The following ACAD11 variants were observed in gnomAD, a reference collection of about 807,000 sequenced individuals.
ACAD11 encodes the protein acyl-CoA dehydrogenase family member 11.
In ACAD11, 83 loss-of-function variants were observed where a neutral mutation model predicts 102.2. The observed-to-expected ratio is 0.81, with a 90% CI of 0.68 to 0.97. ACAD11 has a LOEUF of 0.97. ACAD11 is among the 50% of genes least tolerant of loss of function. The probability of loss-of-function intolerance (pLI) is 0.00; values close to 1 mark genes in which losing one functional copy is unlikely to be tolerated. For synonymous variants in ACAD11, 324 were observed against 319.8 expected (o/e 1.01, Z -0.14); for missense variants, 901 against 951.7 (o/e 0.95, Z 0.70).
intron 5 of ACAD11, among the ~76,000 whole-genome samples, chr3:132,638,779 G>A (rs544399309): frequency 6.6e-6 from 1 of 151,950 alleles, no homozygotes; most frequent in South Asian, 2.1e-4. Flanking sequence ...CTAATCTCAG[G>A]GTAGATAATT....
chr3:132,649,196 C>T (rs907303990), intron 1 of ACAD11, among the ~76,000 whole-genome samples: 1 of 152,212 alleles, frequency 6.6e-6, no homozygotes, highest in Admixed American at 6.5e-5. Flanking sequence ...ACCTGACCGT[C>T]CCCCAGCCCG....
At chr3:132,590,249 TTTTTTG>T (rs1195126308) in intron 13 of ACAD11, among the ~76,000 whole-genome samples, 1 of 152,006 alleles carries the variant, frequency 6.6e-6, no homozygotes, top group Non-Finnish European at 1.5e-5. Context: ...TAGTTCTGGG[TTTTTTG>T]TTTTTGTTTT....
chr3:132,612,301 G>A (rs1355137009), intron 11 of ACAD11, among the ~76,000 whole-genome samples: 1 of 151,976 alleles, frequency 6.6e-6, no homozygotes, highest in Non-Finnish European at 1.5e-5. Context: ...ATACCATTCA[G>A]GACATAGGTA....
intron 17 of ACAD11, among the ~76,000 whole-genome samples, chr3:132,572,165 C>T (rs1438811044): frequency 6.6e-6 from 1 of 152,012 alleles, no homozygotes; most frequent in African/African-American, 2.4e-5. Flanking sequence ...ATCTAGAAAA[C>T]CCCAGTCTCA....
chr3:132,610,305 C>A (rs539726836), intron 11 of ACAD11, among the ~76,000 whole-genome samples: 1 of 152,122 alleles, frequency 6.6e-6, no homozygotes, highest in East Asian at 1.9e-4. Context: ...CCTAACATCA[C>A]AATTAAAAGA....
intron 11 of ACAD11, among the ~76,000 whole-genome samples, chr3:132,610,424 G>A (rs1939083621): frequency 6.6e-6 from 1 of 152,090 alleles, no homozygotes; most frequent in African/African-American, 2.4e-5. Context: ...AAAAACCAAC[G>A]AATCCAGGAG....
At position 132,603,277 on chromosome 3, in the gene ACAD11, G is replaced by A. The variant is rs569164901; in HGVS notation, c.1573C>T (p.Arg525Ter). ...TTAATTACATAGCTATCTTCATCTC[G>A]TTGGATGCTGCATTCAATATTCGTG... The part of the protein sequence containing the change: ...DATNIECSIQ[R>*]DEDSYVINGK... The change falls in exon 13 of 20, where the codon CGA becomes TGA. Residue 525 changes from arginine to a stop codon, truncating the protein, a stop_gained. Transcript: ENST00000264990. LOFTEE classifies it high-confidence loss of function. 1.3e-5 allele frequency: 21 copies of A among 1,613,980 alleles called. No individual in the cohort carries two copies. Among genetic ancestry groups the A allele is most frequent in the Middle Eastern group, 1.6e-4 (1 of 6,062 alleles).
chr3:132,599,628 C>A (rs1938480263), intron 13 of ACAD11, among the ~76,000 whole-genome samples: 1 of 150,292 alleles, frequency 6.7e-6, no homozygotes, highest in African/African-American at 2.5e-5. Context: ...AAGACAGATT[C>A]AAGACCTACT....
rs2107848072 is a variant in ACAD11 at position 132,619,482 on chromosome 3, T to A, written c.1261A>T (p.Ile421Phe). ...GATTTTCTTACCTTGAGTTTATCAA[T>A]CACTAAAGGTTTTCCCCACTTGTCC... ...SVDKWGKPLVIDKLKEMAKVE... is the reference protein window; with the variant it reads ...SVDKWGKPLVFDKLKEMAKVE... Residue 421 changes from isoleucine to phenylalanine, a missense_variant, in exon 10 of 20, where the codon ATT becomes TTT. Physicochemically the swap from Ile to Phe is conservative, Grantham distance 21. Transcript: ENST00000264990. 2 of 1,588,334 alleles carry A rather than the reference T, an allele frequency of 1.3e-6. No individual in the cohort carries two copies. Among genetic ancestry groups the A allele is most frequent in the South Asian group, 2.3e-5 (2 of 85,512 alleles).
intron 5 of ACAD11, among the ~76,000 whole-genome samples, chr3:132,631,967 T>C (rs771685282): frequency 5.3e-5 from 8 of 152,190 alleles, no homozygotes; most frequent in Non-Finnish European, 1.0e-4. Flanking sequence ...GTTTTATAAA[T>C]ATAAAATCCA....
At chr3:132,582,053 A>G (rs1937607124) in intron 13 of ACAD11, among the ~76,000 whole-genome samples, 1 of 152,028 alleles carries the variant, frequency 6.6e-6, no homozygotes, top group Non-Finnish European at 1.5e-5. Context: ...TTAAGAGTAT[A>G]CATATTCTTA....
At chr3:132,600,533 G>C in intron 13 of ACAD11, 1 of 1,613,948 alleles carries the variant, frequency 6.2e-7, no homozygotes, top group Non-Finnish European at 8.5e-7. Flanking sequence ...TTTCCTCCCT[G>C]TATTCCTCAC....
intron 5 of ACAD11, among the ~76,000 whole-genome samples, chr3:132,638,747 T>C (rs1048543939): frequency 1.3e-5 from 2 of 152,234 alleles, no homozygotes; most frequent in African/African-American, 4.8e-5. Flanking sequence ...ATCTAGATTA[T>C]AAATTAGCAT....
intron 11 of ACAD11, among the ~76,000 whole-genome samples, chr3:132,611,241 T>C (rs968762075): frequency 2.0e-5 from 3 of 152,076 alleles, no homozygotes; most frequent in Admixed American, 2.0e-4. Flanking sequence ...ATAAGAGCTA[T>C]CTATGACAAA....
At chr3:132,642,652 A>G (rs201588190) in intron 3 of ACAD11, 25 bp downstream of exon 3, 5 of 1,571,026 alleles carry the variant, frequency 3.2e-6, no homozygotes, top group East Asian at 4.5e-5. Context: ...TAAAAGCAAC[A>G]AAATAAGATT....
At chr3:132,639,384 G>A (rs1940392120) in intron 5 of ACAD11, 108 bp downstream of exon 5, 3 of 1,072,762 alleles carry the variant, frequency 2.8e-6, no homozygotes, top group Non-Finnish European at 4.0e-6. Flanking sequence ...GAGCTGTAGG[G>A]GAACAGGGAG....
chr3:132,575,736 G>A (rs376594153), intron 17 of ACAD11, 36 bp downstream of exon 17: 130 of 1,611,060 alleles, frequency 8.1e-5, no homozygotes, highest in Non-Finnish European at 9.8e-5. Flanking sequence ...GTAGTGCACC[G>A]GGCTACAATA....
intron 1 of ACAD11, among the ~76,000 whole-genome samples, chr3:132,653,992 C>T (rs1356223655): frequency 6.6e-6 from 1 of 152,196 alleles, no homozygotes; most frequent in Non-Finnish European, 1.5e-5. Flanking sequence ...GCTTACTATA[C>T]ATATCTACTT....
chr3:132,574,173 G>A (rs779693176), intron 17 of ACAD11, among the ~76,000 whole-genome samples: 6 of 152,190 alleles, frequency 3.9e-5, no homozygotes, highest in Non-Finnish European at 5.9e-5. Flanking sequence ...GTGCATTCGC[G>A]ATGCTTGTTT....
Sources: allele counts gnomAD v4.1 joint callset (sites outside exome capture counted in the v4.1 genomes callset), GRCh38; gene constraint gnomAD v4.1.1; transcripts MANE v1.5; gene names NCBI Gene and HGNC (gene_info 2026-07-23, HGNC 2026-07-21).